Variants in DNM1 observed in about 807,000 individuals in gnomAD.
DNM1 encodes dynamin 1.
Under a neutral mutation model 104.6 loss-of-function variants are expected in DNM1, and 29 were observed. The observed-to-expected ratio is 0.28, with a 90% CI of 0.21 to 0.38. The LOEUF is 0.38. Among genes scored for constraint, DNM1 ranks in the 10% least tolerant of loss-of-function variants. The pLI, the probability that DNM1 is intolerant of heterozygous loss-of-function variation, is 1.00. For missense variants in DNM1, 640 were observed against 1,189.4 expected (o/e 0.54, Z 6.79); for synonymous variants, 445 against 475.8 (o/e 0.94, Z 0.84).
rs1373295574 is a variant in DNM1 at position 128,240,315 on chromosome 9, A to G, written c.1557+319A>G. 8.3e-6 allele frequency: 3 copies of G among 359,518 alleles called. No homozygotes were observed. Among genetic ancestry groups the G allele is most frequent in the African/African-American group, 2.1e-5 (1 of 47,012 alleles). The allele number at this position is 359,518 out of a possible 1,614,324, so 22.3% of individuals were successfully genotyped here. ...GGAGGGATGCACGTGAGCAAGACACATTTTTAAGAAGCTGACAGCCATCGC... is the reference window on the plus strand; with the variant it reads ...GGAGGGATGCACGTGAGCAAGACACGTTTTTAAGAAGCTGACAGCCATCGC... On this transcript the variant is annotated intron_variant, in intron 14 of 21. Coordinates refer to ENST00000372923, the MANE Select transcript of DNM1 (RefSeq NM_004408.4). The surrounding 1 kb of genome is among the most constrained non-coding windows in gnomAD (Gnocchi z 5.1).
At chr9:128,237,001 G>A (rs1171467306) in intron 11 of DNM1, among the ~76,000 whole-genome samples, 1 of 152,202 alleles carries the variant, frequency 6.6e-6, no homozygotes, top group Non-Finnish European at 1.5e-5. Context: ...TTCCTCTGAA[G>A]ATAATTGTAA....
In DNM1 at chr9:128,222,587, G is replaced by A; in HGVS notation, c.1119G>A (p.Glu373=). Residue 373 remains glutamate, a synonymous_variant, in exon 8 of 22, where the codon GAG becomes GAA. Coordinates refer to ENST00000372923, the MANE Select transcript of DNM1 (RefSeq NM_004408.4). The surrounding 1 kb of genome is among the most constrained non-coding windows in gnomAD (Gnocchi z 7.8). The part of the protein sequence containing the change: ...NRIFHERFPF[E]LVKMEFDEKE... ...TCTTCCACGAGCGCTTCCCTTTCGA[G>A]CTGGTCAAGGTAGGTCAGGCAGCCC... 3.1e-6 allele frequency: 5 copies of A among 1,614,162 alleles called. No homozygotes were observed.
At chr9:128,217,100 A>C (rs1349908961) in intron 1 of DNM1, among the ~76,000 whole-genome samples, 1 of 152,234 alleles carries the variant, frequency 6.6e-6, no homozygotes, top group Non-Finnish European at 1.5e-5. Context: ...TGACATTGGC[A>C]CGAGCAGATG....
intron 10 of DNM1, chr9:128,232,437 C>A: frequency 5.7e-6 from 1 of 174,372 alleles, no homozygotes; most frequent in Non-Finnish European, 1.2e-5. Flanking sequence ...GGCACAGCCA[C>A]GGGATGATGG....
chr9:128,242,479 G>C, intron 15 of DNM1, 134 bp downstream of exon 15: 1 of 583,724 alleles, frequency 1.7e-6, no homozygotes, highest in Non-Finnish European at 3.0e-6. Context: ...CCGTGGGCAG[G>C]CTGGGTGTGG....
rs561178467 is a variant in DNM1, at chr9:128,220,438, C to T, written c.849+97C>T. On this transcript the variant is annotated intron_variant, in intron 6 of 21. Coordinates refer to ENST00000372923, the MANE Select transcript of DNM1 (RefSeq NM_004408.4). The surrounding 1 kb of genome is among the most constrained non-coding windows in gnomAD (Gnocchi z 5.2). ...AGTGAACAGCAGAGGTTAGCCTCTC[C>T]GTAGTGCAGATAGACAAACTGAGCC... 2.3e-5 allele frequency: 34 copies of T among 1,459,830 alleles called. No homozygotes were observed. Among genetic ancestry groups the T allele is most frequent in the South Asian group, 1.3e-4 (11 of 81,762 alleles). The allele number at this position is 1,459,830 out of a possible 1,614,324, so 90.4% of individuals were successfully genotyped here. A position where few individuals can be genotyped will look rare whatever the true frequency, so the allele number is the denominator to read the frequency against.
intron 10 of DNM1, among the ~76,000 whole-genome samples, chr9:128,229,617 A>T (rs1434264360): frequency 6.6e-6 from 1 of 150,806 alleles, no homozygotes; most frequent in Non-Finnish European, 1.5e-5. Flanking sequence ...AAAAAAAAAA[A>T]AAAAAAGCTT....
At chr9:128,233,945 T>C in intron 10 of DNM1, 76 bp from the exon 11 acceptor site, 2 of 1,349,604 alleles carry the variant, frequency 1.5e-6, no homozygotes, top group South Asian at 2.5e-5. Flanking sequence ...CGCGGATCCC[T>C]GGACTCGTGG....
At chr9:128,239,571 T>C (rs1459457586) in intron 12 of DNM1, 56 bp downstream of exon 12, 140 of 307,856 alleles carry the variant, frequency 4.5e-4, no homozygotes, top group Non-Finnish European at 6.5e-4. Context: ...AGGTAACGTG[T>C]GTGTGTGTGT....
rs770643563 is a variant in DNM1 at position 128,239,767 on chromosome 9, T to A, written c.1533T>A (p.Thr511=). The A allele has an allele frequency of 1.5e-5, 25 of 1,613,554 alleles. No homozygotes were observed. The highest frequency in any genetic ancestry group is 2.1e-5 in the Non-Finnish European group (25 of 1,179,844). ...QRSNQMNKKK[T]SGNQDEILVI... is the part of the protein sequence containing the mutation. ...GCAACCAGATGAACAAGAAGAAGACTTCAGGGAACCAGGTGAGTGGGGCCC... is the reference window on the plus strand; with the variant it reads ...GCAACCAGATGAACAAGAAGAAGACATCAGGGAACCAGGTGAGTGGGGCCC... The change falls in exon 13 of 22, where the codon ACT becomes ACA. Residue 511 remains threonine, a synonymous_variant. Coordinates refer to ENST00000372923, the MANE Select transcript of DNM1 (RefSeq NM_004408.4).
rs1008849402 is a variant in DNM1 at position 128,253,995 on chromosome 9, G to T, written c.2535-659G>T. ...TCCTGCCACTGACTCTCGCTCTTCTGCTTTTCCCAGCAGGAAGGGCCCAGC... is the reference window on the plus strand; with the variant it reads ...TCCTGCCACTGACTCTCGCTCTTCTTCTTTTCCCAGCAGGAAGGGCCCAGC... On this transcript the variant is annotated intron_variant, in intron 21 of 21. Transcript: ENST00000372923. The surrounding 1 kb of genome is among the most constrained non-coding windows in gnomAD (Gnocchi z 5.9). The T allele has an allele frequency of 3.2e-6, 4 of 1,234,116 alleles. No homozygotes were observed. Among genetic ancestry groups the T allele is most frequent in the Non-Finnish European group, 4.0e-6 (4 of 989,580 alleles). The allele number at this position is 1,234,116 out of a possible 1,614,324, so 76.4% of individuals were successfully genotyped here.
In DNM1 at chr9:128,250,848, C is replaced by A; in HGVS notation, c.2442C>A (p.Pro814=). Residue 814 remains proline, a synonymous_variant, in exon 21 of 22, where the codon CCC becomes CCA. Transcript: ENST00000372923. ...PAGSALGGAP[P]VPSRPGASPD... is the part of the protein sequence containing the mutation. ...GGTCCGCCCTGGGGGGGGCGCCCCC[C>A]GTGCCCTCCAGGCCGGGGGCTTCCC... 1 of 1,301,326 alleles carries A rather than the reference C, an allele frequency of 7.7e-7. No individual in the cohort carries two copies. 80.6% of individuals were successfully genotyped at this position (1,301,326 alleles called of 1,614,324 possible).
In DNM1 at chr9:128,220,119, G is replaced by A; in HGVS notation, c.688+33G>A. On this transcript the variant is annotated intron_variant, in intron 5 of 21. Coordinates refer to ENST00000372923, the MANE Select transcript of DNM1 (RefSeq NM_004408.4). The surrounding 1 kb of genome is among the most constrained non-coding windows in gnomAD (Gnocchi z 5.2). ...GGCCATGCCCCTCAACCACTCCCCA[G>A]CCCTTCCCCACCCTTCCCCTCCTCT... 6.2e-7 allele frequency: 1 copy of A among 1,612,630 alleles called. No individual in the cohort carries two copies. Among genetic ancestry groups the A allele is most frequent in the Non-Finnish European group, 8.5e-7 (1 of 1,178,814 alleles).
intron 12 of DNM1, 100 bp from the exon 13 acceptor site, chr9:128,239,628 T>C: frequency 1.5e-6 from 2 of 1,319,292 alleles, no homozygotes; most frequent in Admixed American, 1.7e-5. Context: ...AGAGCCCAGG[T>C]CTGCTAGGTT....
intron 15 of DNM1, among the ~76,000 whole-genome samples, chr9:128,242,547 G>A (rs550321414): frequency 3.2e-4 from 48 of 152,250 alleles, no homozygotes; most frequent in African/African-American, 1.1e-3. Flanking sequence ...ATCACCTGCG[G>A]TCAGGAGTCC....
At position 128,222,092 on chromosome 9, in the gene DNM1, C is replaced by G. The variant is rs1255837681; in HGVS notation, c.850-105C>G. On this transcript the variant is annotated intron_variant, in intron 6 of 21. Coordinates refer to ENST00000372923, the MANE Select transcript of DNM1 (RefSeq NM_004408.4). The surrounding 1 kb of genome is among the most constrained non-coding windows in gnomAD (Gnocchi z 7.8). The stretch of plus-strand genomic sequence containing the variant: ...CGGGCAGCAGTGGCAGGGCTGCCCT[C>G]CATAGCTCTCCACCTCACCACGTTC... The G allele has an allele frequency of 7.1e-7, 1 of 1,418,064 alleles. No individual in the cohort carries two copies. The highest frequency in any genetic ancestry group is 9.5e-7 in the Non-Finnish European group (1 of 1,047,534). 87.8% of individuals were successfully genotyped at this position (1,418,064 alleles called of 1,614,324 possible).
chr9:128,207,498 C>A (rs1834040223), intron 1 of DNM1, among the ~76,000 whole-genome samples: 1 of 151,962 alleles, frequency 6.6e-6, no homozygotes, highest in Admixed American at 6.5e-5. Context: ...CCCGCTACAC[C>A]CCCCACCCCA....
At position 128,224,228 on chromosome 9, in the gene DNM1, C is replaced by T; in HGVS notation, c.1197-23C>T. ...CGGCACTGGCCTGTGACACTCTGCC[C>T]TTCTCCCGCTCCGGGCGTTCAGAAC... On this transcript the variant is annotated intron_variant, in intron 9 of 21. Coordinates refer to ENST00000372923, the MANE Select transcript of DNM1 (RefSeq NM_004408.4). The surrounding 1 kb of genome is among the most constrained non-coding windows in gnomAD (Gnocchi z 4.3). 6.2e-7 allele frequency: 1 copy of T among 1,609,606 alleles called. No individual in the cohort carries two copies. The highest frequency in any genetic ancestry group is 1.3e-5 in the African/African-American group (1 of 75,032).
chr9:128,226,184 C>T (rs1180646009), intron 10 of DNM1: 3 of 1,612,660 alleles, frequency 1.9e-6, no homozygotes, highest in Admixed American at 1.7e-5. Flanking sequence ...GTATGACGGC[C>T]GCCTGGGCGG....
Sources: allele counts gnomAD v4.1 joint callset (sites outside exome capture counted in the v4.1 genomes callset), GRCh38; gene constraint gnomAD v4.1.1; non-coding constraint Gnocchi (gnomAD v3.1); transcripts MANE v1.5; gene names NCBI Gene and HGNC (gene_info 2026-07-23, HGNC 2026-07-21).